The following ABCB11 variants were observed in gnomAD, a reference collection of about 807,000 sequenced individuals.
ABCB11 encodes the protein bile salt export pump.
In ABCB11, 95 loss-of-function variants were observed where a neutral mutation model predicts 148.0. That is an observed-to-expected ratio of 0.64 (90% CI 0.54 to 0.76). The LOEUF is 0.76. ABCB11 is among the 30% of genes least tolerant of loss of function. The probability of loss-of-function intolerance (pLI) is 0.00; values close to 1 mark genes in which losing one functional copy is unlikely to be tolerated. For synonymous variants in ABCB11, 591 were observed against 555.4 expected (o/e 1.06, Z -0.90); for missense variants, 1,523 against 1,617.8 (o/e 0.94, Z 1.01).
chr2:168,985,946 T>TA (rs560903756), intron 10 of ABCB11, among the ~76,000 whole-genome samples, 164 bp downstream of exon 10: 2 of 151,548 alleles, frequency 1.3e-5, no homozygotes, highest in Non-Finnish European at 2.9e-5. Context: ...ATTATGGAAA[T>TA]AAAAAAAAAT....
At chr2:169,013,537 A>G in intron 4 of ABCB11, 27 bp from the exon 5 acceptor site, 1 of 1,585,152 alleles carries the variant, frequency 6.3e-7, no homozygotes, top group South Asian at 1.1e-5. Flanking sequence ...TTCAGAGATC[A>G]TCTATGGGTG....
intron 25 of ABCB11, among the ~76,000 whole-genome samples, chr2:168,930,021 G>A (rs749735148): frequency 9.9e-5 from 15 of 152,212 alleles, no homozygotes; most frequent in Non-Finnish European, 2.1e-4. Context: ...CATAAAGCAG[G>A]GGGGTGGCTT....
chr2:168,953,725 T>G (rs1256409068), intron 19 of ABCB11, among the ~76,000 whole-genome samples: 2 of 151,564 alleles, frequency 1.3e-5, no homozygotes, highest in Non-Finnish European at 3.0e-5. Flanking sequence ...ATCACTAAGC[T>G]AAAGAGAAAA....
chr2:169,014,994 C>A (rs1302740147), intron 3 of ABCB11, among the ~76,000 whole-genome samples: 1 of 152,130 alleles, frequency 6.6e-6, no homozygotes, highest in African/African-American at 2.4e-5. Flanking sequence ...ATGTTTAACT[C>A]CTTGGCACTC....
In ABCB11 at chr2:168,990,840, G is replaced by C. The variant is rs886043363; in HGVS notation, c.869C>G (p.Thr290Arg). 6 of 1,613,032 alleles carry C rather than the reference G, an allele frequency of 3.7e-6. No homozygotes were observed. The African/African-American group carries it at 6.7e-5, about 18-fold the overall frequency. The stretch of plus-strand genomic sequence containing the variant: ...TTTCTCACCACCAAAAGCAGCCACT[G>C]TTCTCATTGATGAAATGACTTCATC... ...VADEVISSMRTVAAFGGEKRE... is the reference protein window; with the variant it reads ...VADEVISSMRRVAAFGGEKRE... Residue 290 changes from threonine (T) to arginine (R), a missense_variant, in exon 9 of 28, where the codon ACA becomes AGA. Physicochemically the swap from Thr to Arg is moderately conservative, Grantham distance 71. Transcript: ENST00000650372.
At chr2:168,969,760 C>T (rs1249793752) in intron 15 of ABCB11, among the ~76,000 whole-genome samples, 10 of 152,042 alleles carry the variant, frequency 6.6e-5, no homozygotes, top group Admixed American at 3.9e-4. Context: ...CATTAATCAA[C>T]AGCTAAAAAC....
chr2:169,026,157 T>C (rs569351455), intron 1 of ABCB11, among the ~76,000 whole-genome samples: 4 of 152,336 alleles, frequency 2.6e-5, no homozygotes, highest in African/African-American at 9.6e-5. Context: ...CTCTGTGAGA[T>C]TGTTTATGTC....
intron 8 of ABCB11, among the ~76,000 whole-genome samples, chr2:168,992,013 A>AT (rs1694542097): frequency 4.6e-5 from 7 of 150,804 alleles, no homozygotes; most frequent in South Asian, 2.1e-4. Flanking sequence ...ATTTAAAAAA[A>AT]ATTTTTTTTT....
chr2:168,915,716 A>C (rs1389610797), intron 2 of ABCB11, among the ~76,000 whole-genome samples: 1 of 152,126 alleles, frequency 6.6e-6, no homozygotes. Flanking sequence ...GGGGGAAGAG[A>C]CTCAGGTTTT....
At chr2:168,955,791 G>A (rs906805897) in intron 19 of ABCB11, among the ~76,000 whole-genome samples, 4 of 151,590 alleles carry the variant, frequency 2.6e-5, no homozygotes, top group African/African-American at 7.3e-5. Context: ...ACAACTATGA[G>A]CCTGTAAAAT....
intron 1 of ABCB11, among the ~76,000 whole-genome samples, chr2:169,023,899 A>G (rs980523543): frequency 6.6e-6 from 1 of 152,214 alleles, no homozygotes; most frequent in Non-Finnish European, 1.5e-5. Context: ...CAAGTATGGC[A>G]TAGGGTTTAA....
chr2:168,995,613 T>TAGTTCCCAAGAAGA, intron 6 of ABCB11, 131 bp from the exon 7 acceptor site: 3 of 970,778 alleles, frequency 3.1e-6, no homozygotes, highest in Non-Finnish European at 4.5e-6. Context: ...TGCCTCTTCT[T>TAGTTCCCAAGAAGA]GGGAACTAAG....
chr2:168,926,911 T>C (rs541443940), intron 26 of ABCB11, among the ~76,000 whole-genome samples: 1 of 152,308 alleles, frequency 6.6e-6, no homozygotes, highest in African/African-American at 2.4e-5. Context: ...TAAATTCCTA[T>C]AATATTTTTA....
At chr2:168,950,452 T>G (rs150392121) in intron 19 of ABCB11, among the ~76,000 whole-genome samples, 25 of 151,866 alleles carry the variant, frequency 1.6e-4, no homozygotes, top group Admixed American at 6.6e-4. Flanking sequence ...ATCTGTTGTT[T>G]TTATACTTTT....
intron 12 of ABCB11, among the ~76,000 whole-genome samples, chr2:168,975,739 A>C (rs1439158841): frequency 6.9e-6 from 1 of 145,812 alleles, no homozygotes; most frequent in Non-Finnish European, 1.5e-5. Context: ...ATATTCAAAG[A>C]GAGAATGATA....
intron 19 of ABCB11, among the ~76,000 whole-genome samples, chr2:168,948,200 C>T (rs978190277): frequency 6.6e-6 from 1 of 151,694 alleles, no homozygotes; most frequent in Non-Finnish European, 1.5e-5. Context: ...CTTTACTCTG[C>T]TTTTATAAGA....
chr2:168,919,012 G>C (rs1237183227), downstream of ABCB11, among the ~76,000 whole-genome samples: 1 of 150,352 alleles, frequency 6.7e-6, no homozygotes, highest in African/African-American at 2.5e-5. Flanking sequence ...TTTACAATAA[G>C]ATGTTTTTAT....
At chr2:168,949,352 C>G (rs74917339) in intron 19 of ABCB11, among the ~76,000 whole-genome samples, 4,282 of 151,666 alleles carry the variant, frequency 0.028, 124 homozygotes, top group African/African-American at 0.075. Flanking sequence ...CATCTCCCTC[C>G]CATCCTCCCA....
At position 168,979,858 on chromosome 2, in the gene ABCB11, A is replaced by G. The variant is rs1445281447; in HGVS notation, c.1197+8T>C. On this transcript the variant is annotated splice_region_variant and intron_variant, in intron 11 of 27. Coordinates refer to ENST00000650372, the MANE Select transcript of ABCB11 (RefSeq NM_003742.4). ...TGTTAATGGCCTTTACTTTTGGCTT[A>G]TACATACCCTGTCTATTGTCTCAAA... The G allele has an allele frequency of 3.2e-6, 5 of 1,574,930 alleles. No individual in the cohort carries two copies. The highest frequency in any genetic ancestry group is 4.3e-6 in the Non-Finnish European group (5 of 1,152,760).
Sources: allele counts gnomAD v4.1 joint callset (sites outside exome capture counted in the v4.1 genomes callset), GRCh38; gene constraint gnomAD v4.1.1; transcripts MANE v1.5; gene names NCBI Gene and HGNC (gene_info 2026-07-23, HGNC 2026-07-21).